Variants in PGM5 observed in about 807,000 individuals in gnomAD.
PGM5 encodes phosphoglucomutase 5, also known as phosphoglucomutase-like protein 5.
Under a neutral mutation model 59.2 loss-of-function variants are expected in PGM5, and 23 were observed. The ratio of observed to expected loss-of-function variants is 0.39; its 90% CI spans 0.28 to 0.55. The LOEUF is 0.55. Among genes scored for constraint, PGM5 ranks in the 20% least tolerant of loss-of-function variants. The probability of loss-of-function intolerance (pLI) is 0.66; values close to 1 mark genes in which losing one functional copy is unlikely to be tolerated. For synonymous variants in PGM5, 214 were observed against 286.0 expected (o/e 0.75, Z 2.54); for missense variants, 574 against 748.3 (o/e 0.77, Z 2.72).
At position 68,404,542 on chromosome 9, in the gene PGM5, C is replaced by T. The variant is rs150374137; in HGVS notation, c.1043+12069C>T. Among the ~76,000 whole-genome samples the T allele has an allele frequency of 5.9e-5, 9 of 152,210 alleles. No homozygotes were observed. In the East Asian group the frequency reaches 1.7e-3, roughly 29 times the overall value. Reference sequence around the variant, plus strand: ...TGTTAGCAATTGGATATGAGATGCCCGAGCCTAGGAAAAAATGAAAACAAA... The same window carrying T: ...TGTTAGCAATTGGATATGAGATGCCTGAGCCTAGGAAAAAATGAAAACAAA... On this transcript the variant is annotated intron_variant, in intron 6 of 10. Transcript: ENST00000396396.
chr9:68,369,403 C>T (rs782549793), intron 1 of PGM5, among the ~76,000 whole-genome samples: 16 of 152,276 alleles, frequency 1.1e-4, no homozygotes, highest in Non-Finnish European at 1.9e-4. Context: ...CCAATGGACA[C>T]TTGTAGCTCT....
intron 9 of PGM5, among the ~76,000 whole-genome samples, chr9:68,492,046 G>T (rs1404160673): frequency 1.3e-5 from 2 of 152,112 alleles, no homozygotes; most frequent in African/African-American, 4.8e-5. Context: ...AAGCATTATC[G>T]AATGACAACA....
At chr9:68,456,533 A>G (rs1481461978) in intron 6 of PGM5, among the ~76,000 whole-genome samples, 1 of 144,044 alleles carries the variant, frequency 6.9e-6, no homozygotes, top group Non-Finnish European at 1.5e-5. Context: ...ATCAGCCAGG[A>G]TGGTCTCGAT....
rs1823913159 is a variant in PGM5 at position 68,465,132 on chromosome 9, A to G, written c.1083A>G (p.Pro361=). 3 of 1,613,214 alleles carry G rather than the reference A, an allele frequency of 1.9e-6. No individual in the cohort carries two copies. Among genetic ancestry groups the G allele is most frequent in the Non-Finnish European group, 2.5e-6 (3 of 1,179,330 alleles). The change falls in exon 7 of 11, where the codon CCA becomes CCG. Residue 361 remains proline, a synonymous_variant. Transcript: ENST00000396396. ...KSMKVPVYET[P]AGWRFFSNLM... ...TGAAGGTCCCTGTATATGAGACCCC[A>G]GCTGGATGGAGATTCTTCTCAAATC... is the stretch of plus-strand genomic sequence containing the variant.
intron 6 of PGM5, among the ~76,000 whole-genome samples, chr9:68,463,781 A>T (rs1416090388): frequency 1.3e-5 from 2 of 152,182 alleles, no homozygotes; most frequent in African/African-American, 4.8e-5. Context: ...AAATATTGTT[A>T]AGTCAAAAAT....
Position 68,529,690 on chromosome 9 carries a change from A to T in PGM5, c.*34A>T, listed in dbSNP as rs1234557943. The T allele has an allele frequency of 2.2e-6, 3 of 1,351,866 alleles. No homozygotes were observed. The South Asian group carries it at 3.8e-5, about 17-fold the overall frequency. 83.7% of individuals were successfully genotyped at this position (1,351,866 alleles called of 1,614,324 possible). On this transcript the variant is annotated 3_prime_UTR_variant, in exon 11 of 11. Transcript: ENST00000396396. Reference sequence around the variant, plus strand: ...AAGATCACTCACCAGGGCCAAAGAGAGTGCTCAGCGGGAGATGCTTCACTG... The same window carrying T: ...AAGATCACTCACCAGGGCCAAAGAGTGTGCTCAGCGGGAGATGCTTCACTG...
chr9:68,370,935 G>C (rs1465012582), intron 1 of PGM5, among the ~76,000 whole-genome samples: 1 of 152,194 alleles, frequency 6.6e-6, no homozygotes, highest in African/African-American at 2.4e-5. Context: ...GAGTCTGTCT[G>C]TGTGTTTGGG....
intron 9 of PGM5, among the ~76,000 whole-genome samples, chr9:68,486,725 C>T (rs1206803739): frequency 6.6e-6 from 1 of 152,196 alleles, no homozygotes; most frequent in Non-Finnish European, 1.5e-5. Flanking sequence ...TATAATGCTG[C>T]TGTGGACATC....
chr9:68,490,996 A>G (rs782187855), intron 9 of PGM5, among the ~76,000 whole-genome samples: 10 of 152,192 alleles, frequency 6.6e-5, no homozygotes, highest in Admixed American at 2.0e-4. Context: ...CTCTGCAATA[A>G]ACATATATTC....
chr9:68,410,877 G>A (rs1822917258), intron 6 of PGM5, among the ~76,000 whole-genome samples: 1 of 152,230 alleles, frequency 6.6e-6, no homozygotes, highest in African/African-American at 2.4e-5. Context: ...AGAAAGGGCA[G>A]CAGCAGAGGT....
chr9:68,499,365 C>T lies in PGM5; in HGVS notation c.1614+4C>T, dbSNP rs1824533806. 2 of 1,613,854 alleles carry T rather than the reference C, an allele frequency of 1.2e-6. No individual in the cohort carries two copies. Among genetic ancestry groups the T allele is most frequent in the South Asian group, 1.1e-5 (1 of 91,064 alleles). On this transcript the variant is annotated splice_donor_region_variant and intron_variant, in intron 10 of 10. Coordinates refer to ENST00000396396, the MANE Select transcript of PGM5 (RefSeq NM_021965.4). The stretch of plus-strand genomic sequence containing the variant: ...CGGCCATGACCAGGAGCCACAGGTA[C>T]AGAAACAGCTGTGCTCCCAGCAGTG...
At chr9:68,448,515 G>A in intron 6 of PGM5, among the ~76,000 whole-genome samples, 1 of 152,160 alleles carries the variant, frequency 6.6e-6, no homozygotes, top group East Asian at 1.9e-4. Context: ...TAGCTCAGGG[G>A]TTCTCAAACT....
chr9:68,398,562 C>T (rs1426782076), intron 6 of PGM5: 1 of 152,290 alleles, frequency 6.6e-6, no homozygotes, highest in Non-Finnish European at 1.5e-5. Flanking sequence ...GGCTGTCAGA[C>T]AAGAGCTGAA....
At position 68,447,591 on chromosome 9, in the gene PGM5, T is replaced by C. The variant is rs577296717; in HGVS notation, c.1044-17502T>C. Among the ~76,000 whole-genome samples, 4 of 152,348 alleles carry C rather than the reference T, an allele frequency of 2.6e-5. No homozygotes were observed. In the East Asian group the frequency reaches 7.7e-4, roughly 29 times the overall value. On this transcript the variant is annotated intron_variant, in intron 6 of 10. Transcript: ENST00000396396. ...GTTTAGCACAATGCCTAACACATAG[T>C]AAATGCTGAAATGTTAGCTGTTATT...
intron 7 of PGM5, among the ~76,000 whole-genome samples, chr9:68,470,444 C>T (rs1554686152): frequency 6.6e-6 from 1 of 152,242 alleles, no homozygotes; most frequent in African/African-American, 2.4e-5. Flanking sequence ...TTATATTTCA[C>T]ATATGAATGA....
intron 6 of PGM5, among the ~76,000 whole-genome samples, chr9:68,436,359 A>G (rs923784955): frequency 1.3e-5 from 2 of 152,196 alleles, no homozygotes; most frequent in Admixed American, 1.3e-4. Context: ...TTTACAGGTC[A>G]TTGGCGGAGG....
intron 10 of PGM5, among the ~76,000 whole-genome samples, chr9:68,512,057 A>G (rs2132113666): frequency 6.6e-6 from 1 of 152,328 alleles, no homozygotes; most frequent in East Asian, 1.9e-4. Context: ...TCATGGAACA[A>G]ATTCACTGCC....
intron 1 of PGM5, among the ~76,000 whole-genome samples, chr9:68,358,476 G>A (rs377044017): frequency 1.3e-5 from 2 of 152,052 alleles, no homozygotes; most frequent in Admixed American, 6.6e-5. Context: ...GGGAAACATC[G>A]TCTAAAAAAG....
intron 10 of PGM5, among the ~76,000 whole-genome samples, chr9:68,511,056 C>G (rs188295974): frequency 3.3e-5 from 5 of 152,304 alleles, no homozygotes; most frequent in Admixed American, 6.5e-5. Context: ...GTAAATGTCT[C>G]TTATTAGACC....
Sources: gnomAD v4.1 joint callset for allele counts (sites outside exome capture counted in the v4.1 genomes callset) on GRCh38, gnomAD v4.1.1 for gene constraint, MANE v1.5 for transcripts, NCBI Gene and HGNC (gene_info 2026-07-23, HGNC 2026-07-21) for gene names.